PTPRK: variants seen among roughly 807,000 people sequenced by gnomAD.
PTPRK encodes the protein receptor-type tyrosine-protein phosphatase kappa.
Under a neutral mutation model 178.0 loss-of-function variants are expected in PTPRK, and 75 were observed. The ratio of observed to expected loss-of-function variants is 0.42; its 90% CI spans 0.35 to 0.51. PTPRK has a LOEUF of 0.51. Ranked by LOEUF, PTPRK falls within the 20% of genes least tolerant of loss-of-function variation. The pLI is 0.02. For synonymous variants in PTPRK, 637 were observed against 620.6 expected, an observed-to-expected ratio of 1.03 and a Z score of -0.39; for missense variants, 1,441 against 1,797.8, an observed-to-expected ratio of 0.80 and a Z score of 3.59.
intron 2 of PTPRK, among the ~76,000 whole-genome samples, chr6:128,344,188 C>T (rs141579632): frequency 2.0e-5 from 3 of 152,256 alleles, no homozygotes; most frequent in African/African-American, 7.2e-5. Context: ...CACATGGATT[C>T]TCTATTCTAA....
At chr6:128,409,249 C>T (rs1054703785) in intron 1 of PTPRK, 6 of 439,268 alleles carry the variant, frequency 1.4e-5, no homozygotes, top group Non-Finnish European at 2.7e-5. Flanking sequence ...TAAAACATGG[C>T]TATAACTTCC....
At chr6:128,099,181 T>C (rs1788387021) in intron 7 of PTPRK, among the ~76,000 whole-genome samples, 1 of 148,140 alleles carries the variant, frequency 6.8e-6, no homozygotes, top group Admixed American at 6.7e-5. Flanking sequence ...AATACATTTA[T>C]ATATATATAT....
At chr6:128,425,501 T>C (rs998028313) in intron 1 of PTPRK, among the ~76,000 whole-genome samples, 2 of 152,200 alleles carry the variant, frequency 1.3e-5, no homozygotes, top group South Asian at 2.1e-4. Context: ...TCAGAACATA[T>C]GATGTTTTGT....
chr6:128,436,330 A>G (rs1845595665), intron 1 of PTPRK, among the ~76,000 whole-genome samples: 1 of 152,196 alleles, frequency 6.6e-6, no homozygotes, highest in African/African-American at 2.4e-5. Flanking sequence ...TTTACAATAT[A>G]TTTCACCTAA....
At chr6:128,378,496 C>G (rs1453300770) in intron 2 of PTPRK, among the ~76,000 whole-genome samples, 1 of 151,604 alleles carries the variant, frequency 6.6e-6, no homozygotes, top group Non-Finnish European at 1.5e-5. Flanking sequence ...TGTATAATTT[C>G]CATGTTTTCT....
intron 13 of PTPRK, among the ~76,000 whole-genome samples, chr6:128,045,511 A>G (rs1777901019): frequency 6.6e-6 from 1 of 151,980 alleles, no homozygotes; most frequent in South Asian, 2.1e-4. Flanking sequence ...ACAGGAGCAA[A>G]AGCAAAGGCA....
chr6:128,502,160 C>T (rs1174576746), intron 1 of PTPRK, among the ~76,000 whole-genome samples: 1 of 152,150 alleles, frequency 6.6e-6, no homozygotes, highest in Non-Finnish European at 1.5e-5. Flanking sequence ...TGAAAAATGT[C>T]CATAGTTCAA....
At chr6:128,019,353 G>A (rs549937559) in intron 13 of PTPRK, among the ~76,000 whole-genome samples, 1 of 152,082 alleles carries the variant, frequency 6.6e-6, no homozygotes, top group South Asian at 2.1e-4. Context: ...GGTGAGGTGG[G>A]GGATACAATA....
chr6:128,444,409 T>G (rs964119504), intron 1 of PTPRK, among the ~76,000 whole-genome samples: 1 of 152,156 alleles, frequency 6.6e-6, no homozygotes, highest in African/African-American at 2.4e-5. Context: ...CCTCTGAGAT[T>G]TCCTCTTAGT....
At chr6:128,286,842 C>A (rs1822586723) in intron 3 of PTPRK, among the ~76,000 whole-genome samples, 1 of 152,100 alleles carries the variant, frequency 6.6e-6, no homozygotes. Context: ...CCAATTTAGT[C>A]CCACTAATAA....
chr6:127,998,432 G>C (rs1483645474), intron 16 of PTPRK, among the ~76,000 whole-genome samples: 2 of 151,994 alleles, frequency 1.3e-5, no homozygotes, highest in Non-Finnish European at 2.9e-5. Context: ...TGCATGGGGA[G>C]ATACGCAAAG....
At chr6:128,190,410 G>A (rs566238735) in intron 6 of PTPRK, among the ~76,000 whole-genome samples, 1 of 142,478 alleles carries the variant, frequency 7.0e-6, no homozygotes, top group Non-Finnish European at 1.5e-5. Context: ...TATTTACTTT[G>A]TACACTGATA....
intron 11 of PTPRK, among the ~76,000 whole-genome samples, chr6:128,077,255 T>C (rs1458678635): frequency 6.6e-6 from 1 of 152,018 alleles, no homozygotes; most frequent in East Asian, 1.9e-4. Context: ...TTTCTCTTTC[T>C]ACTTTGGATC....
At chr6:128,352,398 C>A (rs1163169424) in intron 2 of PTPRK, among the ~76,000 whole-genome samples, 1 of 14,772 alleles carries the variant, frequency 6.8e-5, no homozygotes, top group Non-Finnish European at 2.5e-4. Context: ...ATTTATTTTT[C>A]ATTCTGCAAC....
chr6:128,355,611 A>T (rs10457508), intron 2 of PTPRK, among the ~76,000 whole-genome samples: 6,038 of 152,198 alleles, frequency 0.04, 163 homozygotes, highest in Middle Eastern at 0.071. Flanking sequence ...GTAAATTTTT[A>T]AAAAAATATT....
chr6:128,169,530 G>T (rs1799898481), intron 7 of PTPRK, among the ~76,000 whole-genome samples: 1 of 151,842 alleles, frequency 6.6e-6, no homozygotes, highest in Admixed American at 6.6e-5. Context: ...AAAGTTAATA[G>T]ATGAGAAAAT....
chr6:128,101,911 T>C (rs1233132046), intron 7 of PTPRK, among the ~76,000 whole-genome samples: 2 of 152,178 alleles, frequency 1.3e-5, no homozygotes, highest in Non-Finnish European at 2.9e-5. Context: ...TATACTATTC[T>C]TTCAGTGACA....
intron 21 of PTPRK, among the ~76,000 whole-genome samples, chr6:127,988,180 T>A (rs199843194): frequency 6.7e-6 from 1 of 148,202 alleles, no homozygotes; most frequent in East Asian, 2.0e-4. Context: ...TGTGTGTGCA[T>A]GGGGAAGAGA....
At chr6:128,376,694 T>G (rs1212451006) in intron 2 of PTPRK, among the ~76,000 whole-genome samples, 1 of 152,186 alleles carries the variant, frequency 6.6e-6, no homozygotes, top group Non-Finnish European at 1.5e-5. Flanking sequence ...TTCCAGACTT[T>G]TATGCTATGT....
Sources: gnomAD v4.1 joint callset for allele counts (sites outside exome capture counted in the v4.1 genomes callset) on GRCh38, gnomAD v4.1.1 for gene constraint, MANE v1.5 for transcripts, NCBI Gene and HGNC (gene_info 2026-07-23, HGNC 2026-07-21) for gene names.